ARHGAP15: variants seen among roughly 807,000 people sequenced by gnomAD.
The protein encoded by ARHGAP15 is Rho GTPase activating protein 15.
In ARHGAP15, 51 loss-of-function variants were observed where a neutral mutation model predicts 63.7. That is an observed-to-expected ratio of 0.80 (90% CI 0.64 to 1.01). The LOEUF (loss-of-function observed/expected upper bound fraction) is 1.01, where lower values mean the gene tolerates loss of function less well. ARHGAP15 is among the 50% of genes least tolerant of loss of function. ARHGAP15 has a pLI of 0.00. For synonymous variants in ARHGAP15, 191 were observed against 193.8 expected, an observed-to-expected ratio of 0.99 and a Z score of 0.12; for missense variants, 560 against 564.6, an observed-to-expected ratio of 0.99 and a Z score of 0.08.
At chr2:143,619,103 A>C (rs779070276) in intron 11 of ARHGAP15, among the ~76,000 whole-genome samples, 1 of 152,044 alleles carries the variant, frequency 6.6e-6, no homozygotes, top group Non-Finnish European at 1.5e-5. Context: ...ATGAGTCACT[A>C]TACATGGACA....
intron 12 of ARHGAP15, among the ~76,000 whole-genome samples, chr2:143,685,496 C>G (rs1399489676): frequency 6.6e-6 from 1 of 152,192 alleles, no homozygotes; most frequent in Non-Finnish European, 1.5e-5. Context: ...TGCACTTCCT[C>G]AGAACATGCT....
At chr2:143,414,351 A>G (rs953569488) in intron 6 of ARHGAP15, among the ~76,000 whole-genome samples, 1 of 152,046 alleles carries the variant, frequency 6.6e-6, no homozygotes, top group Non-Finnish European at 1.5e-5. Flanking sequence ...GCGAAAAGAA[A>G]TTATACTGGA....
chr2:143,505,835 T>C (rs1343225676), intron 9 of ARHGAP15, among the ~76,000 whole-genome samples: 2 of 152,164 alleles, frequency 1.3e-5, no homozygotes, highest in Non-Finnish European at 2.9e-5. Flanking sequence ...AATCCTGAAA[T>C]AGCTTTTAAC....
chr2:143,370,476 T>C (rs1384469559), intron 6 of ARHGAP15, among the ~76,000 whole-genome samples: 2 of 151,952 alleles, frequency 1.3e-5, no homozygotes, highest in African/African-American at 4.8e-5. Context: ...TGTGCACATG[T>C]ACCCTAAAAC....
chr2:143,550,423 G>A (rs986309605), intron 10 of ARHGAP15, among the ~76,000 whole-genome samples: 3 of 152,118 alleles, frequency 2.0e-5, no homozygotes, highest in Non-Finnish European at 4.4e-5. Context: ...GAATAACAAC[G>A]GAATACAAGA....
rs1168567547 is a variant in ARHGAP15 at position 143,202,028 on chromosome 2, TA to T, written c.166-104del. ...ATTTACTTCTCATTTTATATCTACT[TA>T]ATTCACATGCTTGAATAACACTGAA... On this transcript the variant is annotated intron_variant, in intron 2 of 13. Coordinates refer to ENST00000295095, the MANE Select transcript of ARHGAP15 (RefSeq NM_018460.4). The T allele has an allele frequency of 4.0e-5, 34 of 851,036 alleles. No individual in the cohort carries two copies. The African/African-American group carries it at 5.1e-4, about 13-fold the overall frequency. The allele number at this position is 851,036 out of a possible 1,614,324, so 52.7% of individuals were successfully genotyped here.
rs1249854150 is a variant in ARHGAP15, at chr2:143,768,241, CAT to C, written c.*72_*73del. Reference sequence around the variant, plus strand: ...CCTAATATTTTTACATTTCTGTAAACATATTTCTGAAATATTTTTTGCCTTTC... The same window carrying C: ...CCTAATATTTTTACATTTCTGTAAACATTTCTGAAATATTTTTTGCCTTTC... On this transcript the variant is annotated 3_prime_UTR_variant, in exon 14 of 14. Transcript: ENST00000295095. 1 of 1,443,932 alleles carries C rather than the reference CAT, an allele frequency of 6.9e-7. No homozygotes were observed. The highest frequency in any genetic ancestry group is 9.3e-7 in the Non-Finnish European group (1 of 1,074,998). 89.4% of individuals were successfully genotyped at this position (1,443,932 alleles called of 1,614,324 possible). A position where few individuals can be genotyped will look rare whatever the true frequency, so the allele number is the denominator to read the frequency against.
intron 5 of ARHGAP15, among the ~76,000 whole-genome samples, chr2:143,250,096 A>G (rs1294528909): frequency 6.6e-6 from 1 of 152,054 alleles, no homozygotes; most frequent in Non-Finnish European, 1.5e-5. Flanking sequence ...TTGCACTATG[A>G]TTTATCAATT....
At chr2:143,591,632 T>TTTTTTTTC in intron 11 of ARHGAP15, among the ~76,000 whole-genome samples, 1 of 146,848 alleles carries the variant, frequency 6.8e-6, no homozygotes, top group Non-Finnish European at 1.5e-5. Flanking sequence ...TTTTTCTTTT[T>TTTTTTTTC]TTTTTTAGAG....
intron 6 of ARHGAP15, among the ~76,000 whole-genome samples, chr2:143,275,849 T>C (rs1681521634): frequency 6.6e-6 from 1 of 152,236 alleles, no homozygotes; most frequent in Admixed American, 6.5e-5. Context: ...TTGTTTGACT[T>C]CCCAATGCTG....
At chr2:143,671,332 T>TGGAA (rs891194008) in intron 12 of ARHGAP15, among the ~76,000 whole-genome samples, 2 of 152,102 alleles carry the variant, frequency 1.3e-5, no homozygotes, top group Non-Finnish European at 2.9e-5. Flanking sequence ...AGTGGCTGCC[T>TGGAA]GGAAGAGTAG....
intron 6 of ARHGAP15, among the ~76,000 whole-genome samples, chr2:143,319,776 C>T (rs1448756674): frequency 6.6e-6 from 1 of 152,064 alleles, no homozygotes; most frequent in African/African-American, 2.4e-5. Flanking sequence ...GTTCTGTGCA[C>T]TTATGGTTTT....
chr2:143,595,672 C>CCCTG (rs1035146930), intron 11 of ARHGAP15, among the ~76,000 whole-genome samples: 6 of 152,004 alleles, frequency 3.9e-5, no homozygotes, highest in African/African-American at 1.4e-4. Context: ...ATTGGGGCAG[C>CCCTG]CCTGCATGAG....
At chr2:143,741,235 A>G (rs1423897387) in intron 13 of ARHGAP15, 1 of 152,220 alleles carries the variant, frequency 6.6e-6, no homozygotes, top group African/African-American at 2.4e-5. Context: ...TTTCCAAAGA[A>G]ATGAGCAAAA....
At chr2:143,271,591 T>C (rs1681284218) in intron 6 of ARHGAP15, among the ~76,000 whole-genome samples, 1 of 152,236 alleles carries the variant, frequency 6.6e-6, no homozygotes, top group South Asian at 2.1e-4. Flanking sequence ...TTCTCCTGCC[T>C]CAGCCTCCGG....
intron 10 of ARHGAP15, among the ~76,000 whole-genome samples, chr2:143,541,486 T>A (rs914047083): frequency 1.3e-4 from 20 of 152,140 alleles, no homozygotes; most frequent in Non-Finnish European, 2.2e-4. Context: ...TTCAGCTCTG[T>A]TTTTTCCCCA....
intron 8 of ARHGAP15, among the ~76,000 whole-genome samples, chr2:143,475,379 T>C (rs1248753488): frequency 6.6e-6 from 1 of 152,168 alleles, no homozygotes; most frequent in African/African-American, 2.4e-5. Flanking sequence ...ACACTTCCTG[T>C]GGGGGAGGGC....
intron 6 of ARHGAP15, among the ~76,000 whole-genome samples, chr2:143,276,780 C>CA (rs1262977231): frequency 6.6e-6 from 1 of 152,122 alleles, no homozygotes; most frequent in Non-Finnish European, 1.5e-5. Flanking sequence ...GCCTTGGTGA[C>CA]AGAGTAAGAT....
At chr2:143,557,621 T>C (rs1695862094) in intron 11 of ARHGAP15, among the ~76,000 whole-genome samples, 1 of 152,086 alleles carries the variant, frequency 6.6e-6, no homozygotes, top group South Asian at 2.1e-4. Flanking sequence ...TAAATTATAA[T>C]ATTTAGTTAA....
Sources: gnomAD v4.1 joint callset for allele counts (sites outside exome capture counted in the v4.1 genomes callset) on GRCh38, gnomAD v4.1.1 for gene constraint, MANE v1.5 for transcripts, NCBI Gene and HGNC (gene_info 2026-07-23, HGNC 2026-07-21) for gene names.